Variants in REC114 observed in about 807,000 individuals in gnomAD.
REC114 encodes the protein REC114 meiotic recombination protein, also known as meiotic recombination protein REC114.
REC114 carries 27 observed loss-of-function variants against 31.3 expected under a neutral mutation model. The ratio of observed to expected loss-of-function variants is 0.86; its 90% CI spans 0.64 to 1.19. REC114 has a LOEUF of 1.19. REC114 is among the 50% of genes most tolerant of loss of function. The pLI is 0.00. For missense variants in REC114, 344 were observed against 326.9 expected (o/e 1.05, Z -0.40); for synonymous variants, 134 against 127.7 (o/e 1.05, Z -0.33).
At chr15:73,495,524 G>A (rs75425722) in intron 2 of REC114, among the ~76,000 whole-genome samples, 2 of 143,468 alleles carry the variant, frequency 1.4e-5, no homozygotes, top group African/African-American at 5.2e-5. Context: ...AAAAAAAAAA[G>A]CAAGAGAACT....
intron 2 of REC114, among the ~76,000 whole-genome samples, chr15:73,527,630 A>AG: frequency 6.6e-6 from 1 of 152,258 alleles, no homozygotes; most frequent in South Asian, 2.1e-4. Context: ...CCAGTTTTCT[A>AG]GTTGTTTATA....
At chr15:73,513,432 T>C (rs1363065260) in intron 2 of REC114, among the ~76,000 whole-genome samples, 2 of 148,512 alleles carry the variant, frequency 1.3e-5, no homozygotes, top group Admixed American at 1.3e-4. Flanking sequence ...TCTGAAGCCT[T>C]CTTCTCTCAG....
chr15:73,556,352 C>T lies in REC114; in HGVS notation c.597C>T (p.Gly199=), dbSNP rs776231411. ...AAGTGTGTGTAACAGCGGGCACAGG[C>T]GCTCCAGACGGAAGGACCTCACTGA... ...QQQVCVTAGT[G]APDGRTSLTQ... The change falls in exon 5 of 6, where the codon GGC becomes GGT. Residue 199 remains glycine, a synonymous_variant. Coordinates refer to ENST00000331090, the MANE Select transcript of REC114 (RefSeq NM_001042367.2). 8.7e-6 allele frequency: 14 copies of T among 1,613,696 alleles called. No individual in the cohort carries two copies. Among genetic ancestry groups the T allele is most frequent in the East Asian group, 2.2e-5 (1 of 44,874 alleles).
chr15:73,535,538 A>T (rs1894142693), intron 2 of REC114, among the ~76,000 whole-genome samples: 1 of 150,250 alleles, frequency 6.7e-6, no homozygotes, highest in African/African-American at 2.5e-5. Flanking sequence ...ATACAAACAA[A>T]TGGAAGAACA....
chr15:73,550,935 C>T lies in REC114; in HGVS notation c.334-3C>T, dbSNP rs756184464. 1 of 1,613,702 alleles carries T rather than the reference C, an allele frequency of 6.2e-7. No homozygotes were observed. The highest frequency in any genetic ancestry group is 1.7e-5 in the Admixed American group (1 of 59,992). On this transcript the variant is annotated splice_polypyrimidine_tract_variant and splice_region_variant and intron_variant, in intron 3 of 5. Coordinates refer to ENST00000331090, the MANE Select transcript of REC114 (RefSeq NM_001042367.2). ...TCATGATAACTTTTGATTTGTCAAA[C>T]AGGACAAGAGTCGCCTGTTTCGAGT... is the stretch of plus-strand genomic sequence containing the variant.
At chr15:73,516,889 A>T (rs1893865762) in intron 2 of REC114, among the ~76,000 whole-genome samples, 1 of 152,220 alleles carries the variant, frequency 6.6e-6, no homozygotes. Context: ...GGCCTCCCAA[A>T]GTGCTGGGAT....
intron 2 of REC114, among the ~76,000 whole-genome samples, chr15:73,532,838 T>C (rs1335235486): frequency 6.6e-6 from 1 of 151,830 alleles, no homozygotes; most frequent in Non-Finnish European, 1.5e-5. Context: ...AGCGGATCTC[T>C]CGGCAGAAAC....
intron 2 of REC114, among the ~76,000 whole-genome samples, chr15:73,519,946 C>A (rs1259391114): frequency 1.3e-5 from 2 of 152,076 alleles, no homozygotes; most frequent in Non-Finnish European, 2.9e-5. Flanking sequence ...CAGAGTAGAA[C>A]AGTCATACTA....
chr15:73,559,723 C>T, intron 5 of REC114, 29 bp from the exon 6 acceptor site: 1 of 1,512,366 alleles, frequency 6.6e-7, no homozygotes, highest in Non-Finnish European at 8.8e-7. Flanking sequence ...TACCTGTAAT[C>T]TGTAACGACT....
chr15:73,472,376 A>G (rs1410150807), intron 1 of REC114, among the ~76,000 whole-genome samples: 1 of 152,220 alleles, frequency 6.6e-6, no homozygotes, highest in East Asian at 1.9e-4. Context: ...ATCCCCTTTG[A>G]TATCTAAAAT....
chr15:73,504,352 G>A (rs1040617329), intron 2 of REC114, among the ~76,000 whole-genome samples: 3 of 151,882 alleles, frequency 2.0e-5, no homozygotes, highest in Non-Finnish European at 4.4e-5. Context: ...AACCCTTCTG[G>A]AATTTATCTT....
intron 4 of REC114, among the ~76,000 whole-genome samples, chr15:73,555,390 C>T (rs1338034014): frequency 6.6e-6 from 1 of 152,140 alleles, no homozygotes; most frequent in South Asian, 2.1e-4. Context: ...GGAGGTAGGG[C>T]CCTTCATGCC....
intron 4 of REC114, 85 bp downstream of exon 4, chr15:73,551,235 A>G: frequency 1.5e-6 from 2 of 1,314,060 alleles, no homozygotes; most frequent in Non-Finnish European, 1.1e-6. Context: ...GAGTTTGTCA[A>G]GTCTGTTAGG....
At chr15:73,508,512 T>C (rs1272542871) in intron 2 of REC114, among the ~76,000 whole-genome samples, 1 of 150,962 alleles carries the variant, frequency 6.6e-6, no homozygotes, top group Non-Finnish European at 1.5e-5. Context: ...GTTACATATG[T>C]ATACATGTGC....
At chr15:73,515,301 G>A (rs1373494231) in intron 2 of REC114, among the ~76,000 whole-genome samples, 1 of 151,980 alleles carries the variant, frequency 6.6e-6, no homozygotes, top group East Asian at 1.9e-4. Flanking sequence ...TCTTTTGGTA[G>A]GAGTCTGGGA....
rs535839481 is a variant in REC114 at position 73,468,931 on chromosome 15, G to GT, written c.160-4901_160-4900insT. Among the ~76,000 whole-genome samples, 1,363 of 151,778 alleles carry GT rather than the reference G, an allele frequency of 9.0e-3. 21 individuals carry two copies. Among genetic ancestry groups the GT allele is most frequent in the African/African-American group, 0.031 (1,284 of 41,334 alleles). On this transcript the variant is annotated intron_variant, in intron 1 of 5. Coordinates refer to ENST00000331090, the MANE Select transcript of REC114 (RefSeq NM_001042367.2). ...CCATGAGTAAATAAGAATATTTGGG[G>GT]CTTTTTTTCAGAGACCTGTTTTTGA...
intron 2 of REC114, among the ~76,000 whole-genome samples, chr15:73,529,363 C>T (rs934756625): frequency 1.3e-5 from 2 of 152,060 alleles, no homozygotes; most frequent in South Asian, 2.1e-4. Context: ...TGGTCTTGAT[C>T]TCCTGACCTC....
chr15:73,474,898 G>A (rs533893484), intron 2 of REC114, among the ~76,000 whole-genome samples: 14 of 152,276 alleles, frequency 9.2e-5, no homozygotes, highest in African/African-American at 3.4e-4. Flanking sequence ...CTCATTGAAC[G>A]TGAGATGACC....
At chr15:73,476,505 G>T (rs1047999899) in intron 2 of REC114, among the ~76,000 whole-genome samples, 1 of 152,100 alleles carries the variant, frequency 6.6e-6, no homozygotes, top group Non-Finnish European at 1.5e-5. Flanking sequence ...AGATAAAATT[G>T]TATATATTTA....
Sources: gnomAD v4.1 joint callset for allele counts (sites outside exome capture counted in the v4.1 genomes callset) on GRCh38, gnomAD v4.1.1 for gene constraint, MANE v1.5 for transcripts, NCBI Gene and HGNC (gene_info 2026-07-23, HGNC 2026-07-21) for gene names.